CYP4F11: variants seen among roughly 807,000 people sequenced by gnomAD.
CYP4F11 encodes the protein cytochrome P450 family 4 subfamily F member 11.
Under a neutral mutation model 62.2 loss-of-function variants are expected in CYP4F11, and 79 were observed. The observed-to-expected ratio is 1.27, with a 90% confidence interval of 1.06 to 1.53. The LOEUF (loss-of-function observed/expected upper bound fraction) is 1.53, where lower values mean the gene tolerates loss of function less well. CYP4F11 is among the 40% of genes most tolerant of loss of function. The pLI is 0.00. For missense variants in CYP4F11, 777 were observed against 680.5 expected, an observed-to-expected ratio of 1.14 and a Z score of -1.58; for synonymous variants, 290 against 263.7, an observed-to-expected ratio of 1.10 and a Z score of -0.97.
chr19:15,927,618 G>A (rs923651337), intron 2 of CYP4F11, 135 bp from the exon 3 acceptor site: 3 of 1,188,516 alleles, frequency 2.5e-6, no homozygotes, highest in Non-Finnish European at 3.6e-6. Context: ...GCCAAGGGTA[G>A]AGGAAGAAGG....
intron 2 of CYP4F11, 106 bp from the exon 3 acceptor site, chr19:15,927,589 C>T: frequency 6.8e-7 from 1 of 1,467,492 alleles, no homozygotes; most frequent in East Asian, 2.3e-5. Flanking sequence ...CGCATCCCAC[C>T]CAGCATAGCA....
intron 4 of CYP4F11, 46 bp from the exon 5 acceptor site, chr19:15,924,928 G>A: frequency 6.3e-7 from 1 of 1,581,176 alleles, no homozygotes; most frequent in Non-Finnish European, 8.6e-7. Context: ...TGCCTCCTGG[G>A]AGCACCTTCC....
At chr19:15,930,034 C>T (rs963684693) in intron 1 of CYP4F11, among the ~76,000 whole-genome samples, 3 of 146,344 alleles carry the variant, frequency 2.0e-5, no homozygotes, top group Non-Finnish European at 4.5e-5. Context: ...TTCCAATTTC[C>T]GTAATAAACT....
chr19:15,934,157 C>T (rs576640673), intron 1 of CYP4F11, 54 bp downstream of exon 1: 1 of 1,594,162 alleles, frequency 6.3e-7, no homozygotes, highest in African/African-American at 1.3e-5. Flanking sequence ...ATTCCTGCCC[C>T]TCAGGAACTC....
chr19:15,927,465 T>A lies in CYP4F11; in HGVS notation c.362A>T (p.Asp121Val), dbSNP rs766831120. The change falls in exon 3 of 12, where the codon GAT becomes GTT. Residue 121 changes from aspartate (D) to valine (V), a missense_variant. Physicochemically the swap from Asp to Val is radical, Grantham distance 152. Transcript: ENST00000402119. ...CTTCAGGAAGCCATAGAAAATCATATCCTTGGGTGCGACAGCAGCTGACAT... is the reference window on the plus strand; with the variant it reads ...CTTCAGGAAGCCATAGAAAATCATAACCTTGGGTGCGACAGCAGCTGACAT... ...TSASAAVAPK[D>V]MIFYGFLKPW... 2 of 1,614,036 alleles carry A rather than the reference T, an allele frequency of 1.2e-6. No individual in the cohort carries two copies. The highest frequency in any genetic ancestry group is 2.2e-5 in the South Asian group (2 of 91,066).
In CYP4F11 at chr19:15,923,994, G is replaced by A. The variant is rs200177921; in HGVS notation, c.736C>T (p.Leu246=). 2 of 1,614,170 alleles carry A rather than the reference G, an allele frequency of 1.2e-6. No homozygotes were observed. The highest frequency in any genetic ancestry group is 4.5e-5 in the East Asian group (2 of 44,876). Residue 246 remains leucine, a synonymous_variant, in exon 6 of 12, where the codon CTG becomes TTG. Coordinates refer to ENST00000402119, the MANE Select transcript of CYP4F11 (RefSeq NM_021187.4). ...NQQILLHTDF[L]YYLTPDGQRF... ...TGCCCATCAGGAGTGAGATAATACAGGAAGTCCGTGTGCAAGAGAATCTGC... is the reference window on the plus strand; with the variant it reads ...TGCCCATCAGGAGTGAGATAATACAAGAAGTCCGTGTGCAAGAGAATCTGC...
chr19:15,921,286 C>T (rs1340781801), intron 8 of CYP4F11, among the ~76,000 whole-genome samples: 2 of 152,202 alleles, frequency 1.3e-5, no homozygotes, highest in Non-Finnish European at 2.9e-5. Context: ...TGTCCAGGCT[C>T]ATCTTGAAGT....
In CYP4F11 at chr19:15,914,596, C is replaced by T. The variant is rs2089567294; in HGVS notation, c.1314+6G>A. 4.3e-6 allele frequency: 7 copies of T among 1,614,030 alleles called. No individual in the cohort carries two copies. In the East Asian group the frequency reaches 1.3e-4, roughly 31 times the overall value. ...TCCAAAAAGGGTGGGGTGAGGGAGG[C>T]ACTACCTCAGGGTCTGGCCACACAG... On this transcript the variant is annotated splice_donor_region_variant and intron_variant, in intron 10 of 11. Transcript: ENST00000402119.
chr19:15,923,597 G>A (rs1185621232), intron 6 of CYP4F11, among the ~76,000 whole-genome samples: 1 of 152,152 alleles, frequency 6.6e-6, no homozygotes. Context: ...TAACATGTAA[G>A]TAGAGTAAAA....
chr19:15,915,992 A>G (rs1025425434), intron 8 of CYP4F11, among the ~76,000 whole-genome samples: 2 of 152,078 alleles, frequency 1.3e-5, no homozygotes, highest in African/African-American at 4.8e-5. Flanking sequence ...CAATGAATTT[A>G]TACATTTCCC....
In CYP4F11 at chr19:15,922,042, A is replaced by C. The variant is rs2089633191; in HGVS notation, c.1110T>G (p.Ile370Met). 6.2e-7 allele frequency: 1 copy of C among 1,603,928 alleles called. No homozygotes were observed. Among genetic ancestry groups the C allele is most frequent in the Non-Finnish European group, 8.5e-7 (1 of 1,175,520 alleles). ...AGGCCAGCACCTGCACTCACCATTCAATCTCTATAGGTTCACGGTCCTTCA... is the reference window on the plus strand; with the variant it reads ...AGGCCAGCACCTGCACTCACCATTCCATCTCTATAGGTTCACGGTCCTTCA... ...ELLKDREPIE[I>M]EWDDLAQLPF... Residue 370 changes from isoleucine (I) to methionine (M), a missense_variant, in exon 8 of 12, where the codon ATT (isoleucine) becomes ATG (methionine). Coordinates refer to ENST00000402119, the MANE Select transcript of CYP4F11 (RefSeq NM_021187.4).
intron 8 of CYP4F11, among the ~76,000 whole-genome samples, chr19:15,921,384 G>A (rs999784451): frequency 6.6e-6 from 1 of 152,144 alleles, no homozygotes; most frequent in Non-Finnish European, 1.5e-5. Context: ...GACACTTTCT[G>A]TACCTCCAGT....
At chr19:15,934,821 G>A, upstream of CYP4F11, 1 of 191,772 alleles carries the variant, frequency 5.2e-6, no homozygotes, top group Non-Finnish European at 1.0e-5. Flanking sequence ...GAAGCAGCTT[G>A]TCCCACATAC....
chr19:15,930,442 A>T (rs933924002), intron 1 of CYP4F11, among the ~76,000 whole-genome samples: 7 of 152,020 alleles, frequency 4.6e-5, no homozygotes, highest in African/African-American at 1.7e-4. Context: ...AAATACAAAA[A>T]TTAGCCAGGC....
In CYP4F11 at chr19:15,927,262, T is replaced by C. The variant is rs1568484659; in HGVS notation, c.475A>G (p.Ile159Val). ...RMLTPAFHFN[I>V]LKPYMKIFNK... ...AAAATCTTCATATAAGGCTTCAAGATGTTGAAATGGAAGGCAGGCGTCAAC... is the reference window on the plus strand; with the variant it reads ...AAAATCTTCATATAAGGCTTCAAGACGTTGAAATGGAAGGCAGGCGTCAAC... The change falls in exon 4 of 12, where the codon ATC becomes GTC. Residue 159 changes from isoleucine (I) to valine (V), a missense_variant. Transcript: ENST00000402119. The C allele has an allele frequency of 1.2e-6, 2 of 1,614,130 alleles. No individual in the cohort carries two copies. The highest frequency in any genetic ancestry group is 1.7e-6 in the Non-Finnish European group (2 of 1,180,020).
chr19:15,914,556 A>G, intron 10 of CYP4F11, 46 bp downstream of exon 10: 2 of 1,608,810 alleles, frequency 1.2e-6, no homozygotes, highest in Non-Finnish European at 1.7e-6. Flanking sequence ...CTCCTCTAGG[A>G]ACCTTGGAAT....
At chr19:15,921,086 C>G (rs1010013416) in intron 8 of CYP4F11, among the ~76,000 whole-genome samples, 3 of 146,382 alleles carry the variant, frequency 2.0e-5, no homozygotes, top group African/African-American at 2.5e-5. Context: ...CTCTCTCTCT[C>G]TCTCTCTCTC....
chr19:15,924,830 T>C lies in CYP4F11; in HGVS notation c.578A>G (p.Glu193Gly). 1 of 1,613,200 alleles carries C rather than the reference T, an allele frequency of 6.2e-7. No individual in the cohort carries two copies. Among genetic ancestry groups the C allele is most frequent in the Non-Finnish European group, 8.5e-7 (1 of 1,179,436 alleles). The change falls in exon 5 of 12, where the codon GAA (glutamate) becomes GGA (glycine). Residue 193 changes from glutamate (E) to glycine (G), a missense_variant. Transcript: ENST00000402119. The part of the protein sequence containing the change: ...SEGSARLDMF[E>G]HISLMTLDSL... Reference sequence around the variant, plus strand: ...GTCCAAGGTCATGAGGCTGATGTGTTCAAACATGTCCAGTCTGGCGCTGCC... The same window carrying C: ...GTCCAAGGTCATGAGGCTGATGTGTCCAAACATGTCCAGTCTGGCGCTGCC...
chr19:15,920,731 A>G (rs1332433295), intron 8 of CYP4F11, among the ~76,000 whole-genome samples: 3 of 152,020 alleles, frequency 2.0e-5, no homozygotes, highest in African/African-American at 4.8e-5. Context: ...CCCTAAAAAG[A>G]TTCTCCTGCT....
Sources: allele counts gnomAD v4.1 joint callset (sites outside exome capture counted in the v4.1 genomes callset), GRCh38; gene constraint gnomAD v4.1.1; transcripts MANE v1.5; gene names NCBI Gene and HGNC (gene_info 2026-07-23, HGNC 2026-07-21).